Variants in WAC observed in about 807,000 individuals in gnomAD.
WAC encodes the protein WW domain-containing adapter protein with coiled-coil.
WAC carries 11 observed loss-of-function variants against 79.6 expected under a neutral mutation model. The observed-to-expected ratio is 0.14, with a 90% CI of 0.09 to 0.23. The LOEUF (loss-of-function observed/expected upper bound fraction) is 0.23. WAC is among the 10% of genes least tolerant of loss of function. The pLI is 1.00. For synonymous variants in WAC, 304 were observed against 276.9 expected (o/e 1.10, Z -0.97); for missense variants, 728 against 773.5 (o/e 0.94, Z 0.70).
At chr10:28,603,190 A>G (rs1308316963) in intron 7 of WAC, among the ~76,000 whole-genome samples, 5 of 152,208 alleles carry the variant, frequency 3.3e-5, no homozygotes, top group African/African-American at 9.7e-5. Flanking sequence ...AAGAAGAAGA[A>G]TTGTCTTGGT....
At chr10:28,617,080 C>G (rs1450754852) in intron 12 of WAC, among the ~76,000 whole-genome samples, 3 of 151,766 alleles carry the variant, frequency 2.0e-5, no homozygotes, top group Non-Finnish European at 4.4e-5. Flanking sequence ...GAGACTCTGT[C>G]TCAAAAAAAC....
chr10:28,604,237 TG>T (rs1222287324), intron 7 of WAC, among the ~76,000 whole-genome samples: 6 of 148,990 alleles, frequency 4.0e-5, no homozygotes, highest in South Asian at 2.1e-4. Flanking sequence ...CATTATCAGG[TG>T]TTTTTTTTTT....
Position 28,619,844 on chromosome 10 carries a change from AGT to A in WAC, c.*240_*241del. Reference sequence around the variant, plus strand: ...TTCACGTTGTAAATATGTTTTGTAGAGTGAAGCCATGGGAAGCCATGTGTAAC... The same window carrying A: ...TTCACGTTGTAAATATGTTTTGTAGAGAAGCCATGGGAAGCCATGTGTAAC... On this transcript the variant is annotated 3_prime_UTR_variant, in exon 14 of 14. Coordinates refer to ENST00000354911, the MANE Select transcript of WAC (RefSeq NM_016628.5). 1 of 347,830 alleles carries A rather than the reference AGT, an allele frequency of 2.9e-6. No individual in the cohort carries two copies. Among genetic ancestry groups the A allele is most frequent in the Admixed American group, 4.9e-5 (1 of 20,514 alleles). The allele number at this position is 347,830 out of a possible 1,614,324, so 21.5% of individuals were successfully genotyped here.
intron 4 of WAC, among the ~76,000 whole-genome samples, chr10:28,586,399 G>GGC (rs1353256053): frequency 6.6e-6 from 1 of 152,106 alleles, no homozygotes; most frequent in Non-Finnish European, 1.5e-5. Context: ...GGGAATGTTG[G>GGC]GCGCAGTGGC....
At chr10:28,614,231 G>A (rs1442371142) in intron 10 of WAC, among the ~76,000 whole-genome samples, 1 of 151,614 alleles carries the variant, frequency 6.6e-6, no homozygotes, top group African/African-American at 2.4e-5. Context: ...TCAGCCTCCC[G>A]AGTAGCTGGG....
intron 3 of WAC, among the ~76,000 whole-genome samples, chr10:28,553,821 AG>A (rs1306013160): frequency 2.0e-5 from 3 of 152,172 alleles, no homozygotes; most frequent in Non-Finnish European, 2.9e-5. Context: ...CCTAAGGAAT[AG>A]GGTATAAGAA....
At chr10:28,586,497 A>G (rs1839828072) in intron 4 of WAC, among the ~76,000 whole-genome samples, 1 of 152,046 alleles carries the variant, frequency 6.6e-6, no homozygotes, top group Non-Finnish European at 1.5e-5. Flanking sequence ...GCAACATAGT[A>G]AGCGCCTGTC....
intron 6 of WAC, among the ~76,000 whole-genome samples, chr10:28,593,074 A>G (rs1840179051): frequency 6.6e-6 from 1 of 152,190 alleles, no homozygotes; most frequent in African/African-American, 2.4e-5. Context: ...AAATTCCTAG[A>G]TAGGCAAATG....
At chr10:28,553,755 G>A (rs1271549338) in intron 3 of WAC, among the ~76,000 whole-genome samples, 2 of 152,100 alleles carry the variant, frequency 1.3e-5, no homozygotes, top group Non-Finnish European at 2.9e-5. Flanking sequence ...AAATATTTGG[G>A]GGAATAAAAG....
intron 3 of WAC, among the ~76,000 whole-genome samples, chr10:28,558,694 A>C (rs917388595): frequency 2.6e-5 from 4 of 152,212 alleles, no homozygotes; most frequent in Non-Finnish European, 5.9e-5. Flanking sequence ...GAAAGCAAGT[A>C]AAATAATAGT....
chr10:28,583,450 G>A lies in WAC; in HGVS notation c.326G>A (p.Ser109Asn). The change falls in exon 4 of 14, where the codon AGT (serine) becomes AAT (asparagine). Residue 109 changes from serine to asparagine, a missense_variant. Ser to Asn is a conservative substitution (Grantham distance 46). Transcript: ENST00000354911. ...TCACACAACCACAGTGCTCTTCATA[G>A]TTCAAATTCACATTCTTCTAATCCA... Reference protein sequence around the residue: ...ENSHNHSALHSSNSHSSNPSN... With the variant: ...ENSHNHSALHNSNSHSSNPSN... The A allele has an allele frequency of 6.3e-7, 1 of 1,596,532 alleles. No individual in the cohort carries two copies.
chr10:28,560,847 T>C (rs1289729948), intron 3 of WAC, among the ~76,000 whole-genome samples: 1 of 152,130 alleles, frequency 6.6e-6, no homozygotes, highest in Non-Finnish European at 1.5e-5. Flanking sequence ...ATTTTCCTAA[T>C]TTGTACACTC....
At chr10:28,580,794 A>G (rs1839493802) in intron 3 of WAC, among the ~76,000 whole-genome samples, 1 of 152,188 alleles carries the variant, frequency 6.6e-6, no homozygotes, top group Non-Finnish European at 1.5e-5. Context: ...GTTTTTCTTT[A>G]AAACTTGAAG....
chr10:28,535,473 A>C, intron 2 of WAC, 89 bp from the exon 3 acceptor site: 1 of 1,387,534 alleles, frequency 7.2e-7, no homozygotes, highest in South Asian at 1.6e-5. Flanking sequence ...CATAAAATTT[A>C]ATGATAATAC....
At chr10:28,559,095 T>C (rs1838156864) in intron 3 of WAC, among the ~76,000 whole-genome samples, 1 of 151,546 alleles carries the variant, frequency 6.6e-6, no homozygotes, top group East Asian at 1.9e-4. Flanking sequence ...GTGGGTATGG[T>C]AGACAACAGA....
chr10:28,585,948 G>T (rs1179820199), intron 4 of WAC, among the ~76,000 whole-genome samples: 1 of 152,128 alleles, frequency 6.6e-6, no homozygotes, highest in Non-Finnish European at 1.5e-5. Context: ...AGGGTGTCAG[G>T]GAACTTAATT....
intron 3 of WAC, among the ~76,000 whole-genome samples, chr10:28,543,083 G>A (rs1043323492): frequency 1.3e-5 from 2 of 152,158 alleles, no homozygotes; most frequent in South Asian, 2.1e-4. Context: ...TTTTGGATTA[G>A]CATTCCTCAA....
At chr10:28,562,423 T>G (rs140326311) in intron 3 of WAC, among the ~76,000 whole-genome samples, 1,984 of 152,292 alleles carry the variant, frequency 0.013, 50 homozygotes, top group African/African-American at 0.045. Flanking sequence ...ATTTGAAAAT[T>G]TGTTGCAAAT....
intron 3 of WAC, among the ~76,000 whole-genome samples, chr10:28,562,773 AGAAT>A (rs1838370282): frequency 6.6e-6 from 1 of 152,256 alleles, no homozygotes; most frequent in Admixed American, 6.5e-5. Context: ...TGACAGTGAT[AGAAT>A]GAAAATAACA....
Sources: allele counts gnomAD v4.1 joint callset (sites outside exome capture counted in the v4.1 genomes callset), GRCh38; gene constraint gnomAD v4.1.1; transcripts MANE v1.5; gene names NCBI Gene and HGNC (gene_info 2026-07-23, HGNC 2026-07-21).